The following C1orf87 variants were observed in gnomAD, a reference collection of about 807,000 sequenced individuals.
The protein encoded by C1orf87 is uncharacterized protein C1orf87.
A neutral mutation model predicts 60.5 loss-of-function variants in C1orf87; 58 were observed. The ratio of observed to expected loss-of-function variants is 0.96; its 90% CI spans 0.78 to 1.19. The LOEUF is 1.19. Ranked by LOEUF, C1orf87 falls within the 50% of genes most tolerant of loss-of-function variation. C1orf87 has a pLI of 0.00. For synonymous variants in C1orf87, 236 were observed against 227.4 expected, an observed-to-expected ratio of 1.04 and a Z score of -0.34; for missense variants, 673 against 638.6, an observed-to-expected ratio of 1.05 and a Z score of -0.58.
chr1:60,010,497 T>C, intron 8 of C1orf87, 41 bp from the exon 9 acceptor site: 1 of 1,553,108 alleles, frequency 6.4e-7, no homozygotes, highest in Non-Finnish European at 8.9e-7. Context: ...ATCAATATGA[T>C]TGCCCTGAAA....
intron 2 of C1orf87, among the ~76,000 whole-genome samples, chr1:60,068,918 A>G (rs1574332952): frequency 2.0e-5 from 3 of 152,298 alleles, no homozygotes; most frequent in East Asian, 3.9e-4. Context: ...TTTTAACAGC[A>G]TGGGCCTTTA....
chr1:60,040,871 G>T, intron 4 of C1orf87, 120 bp downstream of exon 4: 3 of 1,117,136 alleles, frequency 2.7e-6, no homozygotes, highest in Non-Finnish European at 3.7e-6. Context: ...GGCATTACAG[G>T]TGTAAGCCAC....
chr1:60,037,705 A>T (rs1645287739), intron 6 of C1orf87, among the ~76,000 whole-genome samples: 1 of 152,180 alleles, frequency 6.6e-6, no homozygotes, highest in Non-Finnish European at 1.5e-5. Flanking sequence ...TGGGAAACAC[A>T]TTCAAACCAT....
chr1:60,052,485 G>A (rs1645421609), intron 3 of C1orf87, among the ~76,000 whole-genome samples: 1 of 152,120 alleles, frequency 6.6e-6, no homozygotes, highest in African/African-American at 2.4e-5. Flanking sequence ...TGAAAGGAAG[G>A]TTTGTACTTG....
Position 60,025,428 on chromosome 1 carries a change from T to C in C1orf87, c.1100A>G (p.Gln367Arg), listed in dbSNP as rs1324328915. ...TATTTCATTTTGGTAACCCAAATCT[T>C]GATGGTTAAGCAATGTTTCCAGCAG... is the stretch of plus-strand genomic sequence containing the variant. ...LSLLETLLNH[Q>R]DLGYQNEIKW... The change falls in exon 8 of 12, where the codon CAA (glutamine) becomes CGA (arginine). Residue 367 changes from glutamine (Q) to arginine (R), a missense_variant. Coordinates refer to ENST00000371201, the MANE Select transcript of C1orf87 (RefSeq NM_152377.3). 1 of 1,613,546 alleles carries C rather than the reference T, an allele frequency of 6.2e-7. No homozygotes were observed. The highest frequency in any genetic ancestry group is 2.2e-5 in the East Asian group (1 of 44,838).
chr1:60,027,722 A>G (rs373692335), intron 7 of C1orf87, among the ~76,000 whole-genome samples: 94 of 146,806 alleles, frequency 6.4e-4, no homozygotes, highest in Middle Eastern at 3.4e-3. Context: ...AAAAGAGGGG[A>G]AAAAAAAAAG....
chr1:60,032,803 T>A (rs1328680638), intron 7 of C1orf87, among the ~76,000 whole-genome samples: 3 of 152,172 alleles, frequency 2.0e-5, no homozygotes, highest in Non-Finnish European at 4.4e-5. Context: ...TAGTATTTTG[T>A]ACAGAATTAA....
Position 59,990,657 on chromosome 1 carries a change from C to T in C1orf87, c.*16G>A, listed in dbSNP as rs200441684. On this transcript the variant is annotated 3_prime_UTR_variant, in exon 12 of 12. Coordinates refer to ENST00000371201, the MANE Select transcript of C1orf87 (RefSeq NM_152377.3). ...GAGATAAGGGAAACATCTGTTCTCA[C>T]AATATGGGCTTGTTATCATAGCTCC... is the stretch of plus-strand genomic sequence containing the variant. 3,565 of 1,613,040 alleles carry T rather than the reference C, an allele frequency of 2.2e-3. 12 individuals carry two copies. The highest frequency in any genetic ancestry group is 3.7e-3 in the South Asian group (341 of 90,980).
intron 9 of C1orf87, among the ~76,000 whole-genome samples, chr1:60,007,594 C>T (rs1359369668): frequency 1.3e-5 from 2 of 151,988 alleles, no homozygotes; most frequent in Admixed American, 6.6e-5. Flanking sequence ...CTTTTCTCCC[C>T]CTTCTGTCTG....
chr1:60,041,026 C>T lies in C1orf87; in HGVS notation c.448G>A (p.Glu150Lys), dbSNP rs182273946. 330 of 1,613,312 alleles carry T rather than the reference C, an allele frequency of 2.0e-4. 1 individual carries two copies. Among genetic ancestry groups the T allele is most frequent in the Admixed American group, 3.5e-4 (21 of 59,978 alleles). ...PRRKLRDWSLEQMVRGSSDQP... is the reference protein window; with the variant it reads ...PRRKLRDWSLKQMVRGSSDQP... ...TCAGAGCTGCCTCTCACCATCTGTT[C>T]CAAGGACCAGTCTCTAAGCTTTCTC... The change falls in exon 4 of 12, where the codon GAA (glutamate) becomes AAA (lysine). Residue 150 changes from glutamate to lysine, a missense_variant. Coordinates refer to ENST00000371201, the MANE Select transcript of C1orf87 (RefSeq NM_152377.3).
chr1:60,012,321 C>G (rs908945980), intron 8 of C1orf87, among the ~76,000 whole-genome samples: 1 of 151,940 alleles, frequency 6.6e-6, no homozygotes, highest in Non-Finnish European at 1.5e-5. Context: ...TATGAGATAA[C>G]GCCTCTGGAT....
chr1:59,999,057 A>C (rs1413542254), intron 10 of C1orf87, among the ~76,000 whole-genome samples: 1 of 152,112 alleles, frequency 6.6e-6, no homozygotes. Context: ...CAAATGTCTG[A>C]ATTTTTCCAA....
intron 8 of C1orf87, among the ~76,000 whole-genome samples, chr1:60,013,346 C>G (rs1188229888): frequency 6.6e-6 from 1 of 151,924 alleles, no homozygotes; most frequent in Non-Finnish European, 1.5e-5. Flanking sequence ...TTGTAAAAGC[C>G]TCTTAAATTT....
chr1:60,031,962 C>T (rs1645240455), intron 7 of C1orf87, among the ~76,000 whole-genome samples: 1 of 148,698 alleles, frequency 6.7e-6, no homozygotes, highest in Admixed American at 6.8e-5. Context: ...ATGAAATATG[C>T]TTGCATGTAT....
intron 10 of C1orf87, 62 bp downstream of exon 10, chr1:60,001,015 A>C: frequency 1.5e-6 from 2 of 1,372,228 alleles, no homozygotes; most frequent in Non-Finnish European, 2.1e-6. Context: ...ATCCAGCATC[A>C]GAGAAAAGGC....
intron 2 of C1orf87, among the ~76,000 whole-genome samples, chr1:60,072,168 T>A (rs770197326): frequency 6.6e-6 from 1 of 152,178 alleles, no homozygotes; most frequent in Non-Finnish European, 1.5e-5. Flanking sequence ...ACTCCTGTAA[T>A]TCACAACAAA....
chr1:60,038,656 T>G (rs1409400177), intron 5 of C1orf87, among the ~76,000 whole-genome samples: 2 of 152,200 alleles, frequency 1.3e-5, no homozygotes, highest in African/African-American at 2.4e-5. Flanking sequence ...CTCTTGTTCC[T>G]TCTCACATAT....
chr1:60,060,430 T>C (rs1422010492), intron 2 of C1orf87, among the ~76,000 whole-genome samples: 1 of 152,202 alleles, frequency 6.6e-6, no homozygotes, highest in Non-Finnish European at 1.5e-5. Flanking sequence ...AGTAATTTTA[T>C]GTTAATCATA....
At chr1:60,037,542 G>T (rs1349698358) in intron 6 of C1orf87, among the ~76,000 whole-genome samples, 1 of 152,166 alleles carries the variant, frequency 6.6e-6, no homozygotes, top group East Asian at 1.9e-4. Flanking sequence ...GCTTTTTACA[G>T]CAAATCCACT....
Sources: gnomAD v4.1 joint callset for allele counts (sites outside exome capture counted in the v4.1 genomes callset) on GRCh38, gnomAD v4.1.1 for gene constraint, MANE v1.5 for transcripts, NCBI Gene and HGNC (gene_info 2026-07-23, HGNC 2026-07-21) for gene names.